RIPOR3: variants seen among roughly 807,000 people sequenced by gnomAD.
RIPOR3 encodes RIPOR family member 3.
RIPOR3 carries 95 observed loss-of-function variants against 114.3 expected under a neutral mutation model. That is an observed-to-expected ratio of 0.83 (90% CI 0.70 to 0.99). The LOEUF is 0.99. RIPOR3 is among the 50% of genes least tolerant of loss of function. RIPOR3 has a pLI of 0.00. For synonymous variants in RIPOR3, 575 were observed against 543.8 expected, an observed-to-expected ratio of 1.06 and a Z score of -0.80; for missense variants, 1,252 against 1,266.9, an observed-to-expected ratio of 0.99 and a Z score of 0.18.
At chr20:50,662,567 C>A (rs1378887773) in intron 1 of RIPOR3, among the ~76,000 whole-genome samples, 1 of 152,224 alleles carries the variant, frequency 6.6e-6, no homozygotes, top group Non-Finnish European at 1.5e-5. Flanking sequence ...ATTTCTCCAT[C>A]TGGTGTGCCT....
chr20:50,588,938 C>T (rs1398396612), intron 20 of RIPOR3, among the ~76,000 whole-genome samples: 12 of 151,356 alleles, frequency 7.9e-5, no homozygotes, highest in African/African-American at 1.5e-4. Context: ...AAAAATTAGC[C>T]GGGCGTGGTG....
chr20:50,593,250 T>C (rs1283603295), intron 17 of RIPOR3, 54 bp from the exon 18 acceptor site: 1 of 1,576,960 alleles, frequency 6.3e-7, no homozygotes, highest in Non-Finnish European at 8.6e-7. Flanking sequence ...CCCTCCACGC[T>C]TCTCAGCTGG....
In RIPOR3 at chr20:50,649,004, C is replaced by T. The variant is rs187276133; in HGVS notation, c.4-18148G>A. ...GATCTAGGAAAGAATCCTTCCTTGC[C>T]TCTTCCTAGCTTCTGGTGATGGCTA... On this transcript the variant is annotated intron_variant, in intron 1 of 21. Transcript: ENST00000327979. 1.6e-3 allele frequency among the ~76,000 whole-genome samples: 247 copies of T among 152,304 alleles called. 1 individual carries two copies. The highest frequency in any genetic ancestry group is 4.8e-3 in the Admixed American group (73 of 15,298).
intron 1 of RIPOR3, among the ~76,000 whole-genome samples, chr20:50,676,041 C>T (rs1568960133): frequency 6.6e-6 from 1 of 152,154 alleles, no homozygotes; most frequent in African/African-American, 2.4e-5. Context: ...CAAATACAGG[C>T]AAAACCACAC....
At chr20:50,686,363 C>A (rs910171492) in intron 1 of RIPOR3, among the ~76,000 whole-genome samples, 4 of 152,038 alleles carry the variant, frequency 2.6e-5, no homozygotes, top group East Asian at 1.9e-4. Flanking sequence ...GCCAAGACAA[C>A]GGGCTCTTAA....
At chr20:50,624,236 G>A (rs2084535227) in intron 2 of RIPOR3, among the ~76,000 whole-genome samples, 1 of 152,168 alleles carries the variant, frequency 6.6e-6, no homozygotes, top group Non-Finnish European at 1.5e-5. Context: ...CCCACCTCTT[G>A]AACCGGGCCC....
Position 50,592,556 on chromosome 20 carries a change from A to G in RIPOR3, c.2375-10T>C. 1 of 1,504,860 alleles carries G rather than the reference A, an allele frequency of 6.6e-7. No individual in the cohort carries two copies. The highest frequency in any genetic ancestry group is 8.9e-7 in the Non-Finnish European group (1 of 1,125,436). 93.2% of individuals were successfully genotyped at this position (1,504,860 alleles called of 1,614,324 possible). A position where few individuals can be genotyped will look rare whatever the true frequency, so the allele number is the denominator to read the frequency against. ...TCCTCGATGAGTGTCACTAGAAGAC[A>G]GGAAAGAGGTGGGCCCAGGTCCCCT... On this transcript the variant is annotated splice_polypyrimidine_tract_variant and intron_variant, in intron 18 of 21. Coordinates refer to ENST00000327979, the MANE Select transcript of RIPOR3 (RefSeq NM_001290268.2).
chr20:50,681,109 A>G (rs957363247), intron 1 of RIPOR3, among the ~76,000 whole-genome samples: 4 of 151,658 alleles, frequency 2.6e-5, no homozygotes, highest in Admixed American at 2.6e-4. Flanking sequence ...CTGTAGTCCC[A>G]GCTACTTGGG....
At chr20:50,682,117 T>C (rs1177180208) in intron 1 of RIPOR3, among the ~76,000 whole-genome samples, 4 of 152,104 alleles carry the variant, frequency 2.6e-5, no homozygotes, top group Admixed American at 2.0e-4. Context: ...ATGTGTGCAA[T>C]AGGACAGTAC....
intron 1 of RIPOR3, among the ~76,000 whole-genome samples, chr20:50,682,159 C>G (rs2086880867): frequency 6.6e-6 from 1 of 152,062 alleles, no homozygotes; most frequent in Admixed American, 6.6e-5. Context: ...GTGTATGTAG[C>G]AAACAAAACT....
chr20:50,592,991 C>T (rs773907028), intron 18 of RIPOR3, 44 bp downstream of exon 18: 57 of 1,605,526 alleles, frequency 3.6e-5, no homozygotes, highest in Non-Finnish European at 4.5e-5. Flanking sequence ...GACAGGGCTC[C>T]GTGGATATTC....
chr20:50,625,321 C>T (rs533570615), intron 2 of RIPOR3, among the ~76,000 whole-genome samples: 18 of 152,350 alleles, frequency 1.2e-4, no homozygotes, highest in Non-Finnish European at 2.6e-4. Context: ...ATCCGCCTGC[C>T]TTGGCCTCCC....
rs773696459 is a variant in RIPOR3, at chr20:50,587,250, A to T, written c.2835T>A (p.Val945=). 10 of 1,613,958 alleles carry T rather than the reference A, an allele frequency of 6.2e-6. No homozygotes were observed. In the East Asian group the frequency reaches 2.2e-4, roughly 36 times the overall value. ...GGATTTTTTAAAATATTGTGATTTC[A>T]ACATCTGCCTCCTGGCAAAAGACTT... The part of the protein sequence containing the change: ...QREVFCQEAD[V]EITIF Residue 945 remains valine, a synonymous_variant, in exon 22 of 22, where the codon GTT becomes GTA. Coordinates refer to ENST00000327979, the MANE Select transcript of RIPOR3 (RefSeq NM_001290268.2).
At chr20:50,635,223 T>C (rs2084942889) in intron 1 of RIPOR3, among the ~76,000 whole-genome samples, 1 of 152,200 alleles carries the variant, frequency 6.6e-6, no homozygotes, top group South Asian at 2.1e-4. Flanking sequence ...CTGTTGAGGA[T>C]GATGGGTGGC....
chr20:50,626,856 T>C (rs6091188), intron 2 of RIPOR3, among the ~76,000 whole-genome samples: 1,533 of 151,900 alleles, frequency 0.01, 26 homozygotes, highest in African/African-American at 0.035. Context: ...ACCCTGTCTC[T>C]ACTAAAAATT....
At chr20:50,638,376 G>A (rs1357480234) in intron 1 of RIPOR3, among the ~76,000 whole-genome samples, 6 of 152,210 alleles carry the variant, frequency 3.9e-5, no homozygotes, top group Non-Finnish European at 5.9e-5. Context: ...CAGGGAGGCC[G>A]CTTCCCTCTG....
intron 1 of RIPOR3, chr20:50,653,348 T>C (rs2085685180): frequency 6.6e-6 from 1 of 152,142 alleles, no homozygotes; most frequent in South Asian, 2.1e-4. Context: ...GGGGTTTCTT[T>C]CTGGGGTAAA....
chr20:50,615,553 G>A (rs1417344609), intron 4 of RIPOR3, among the ~76,000 whole-genome samples: 5 of 146,608 alleles, frequency 3.4e-5, no homozygotes, highest in Non-Finnish European at 7.5e-5. Context: ...AAAAGACACT[G>A]CCCTGATGAT....
intron 2 of RIPOR3, among the ~76,000 whole-genome samples, chr20:50,626,898 C>T (rs2084639441): frequency 6.6e-6 from 1 of 151,734 alleles, no homozygotes; most frequent in Admixed American, 6.6e-5. Flanking sequence ...CCTGTGATCC[C>T]AGCTACTCGG....
Sources: allele counts gnomAD v4.1 joint callset (sites outside exome capture counted in the v4.1 genomes callset), GRCh38; gene constraint gnomAD v4.1.1; transcripts MANE v1.5; gene names NCBI Gene and HGNC (gene_info 2026-07-23, HGNC 2026-07-21).